The following FRMD4A variants were observed in gnomAD, a reference collection of about 807,000 sequenced individuals.
The protein encoded by FRMD4A is FERM domain containing 4A.
In FRMD4A, 29 loss-of-function variants were observed where a neutral mutation model predicts 129.1. The ratio of observed to expected loss-of-function variants is 0.22; its 90% CI spans 0.17 to 0.31. FRMD4A has a LOEUF of 0.31. FRMD4A is among the 10% of genes least tolerant of loss of function. The probability of loss-of-function intolerance (pLI) is 1.00; values close to 1 mark genes in which losing one functional copy is unlikely to be tolerated. For synonymous variants in FRMD4A, 634 were observed against 571.6 expected, an observed-to-expected ratio of 1.11 and a Z score of -1.56; for missense variants, 1,272 against 1,375.8, an observed-to-expected ratio of 0.92 and a Z score of 1.19.
intron 12 of FRMD4A, among the ~76,000 whole-genome samples, chr10:13,721,671 T>C (rs759788760): frequency 6.6e-6 from 1 of 152,196 alleles, no homozygotes; most frequent in Non-Finnish European, 1.5e-5. Context: ...AACTCACTTC[T>C]TCCAGCCTGT....
intron 2 of FRMD4A, among the ~76,000 whole-genome samples, chr10:14,146,927 C>T (rs1215188093): frequency 6.6e-6 from 1 of 152,248 alleles, no homozygotes; most frequent in Non-Finnish European, 1.5e-5. Flanking sequence ...CAGCAAATAT[C>T]ATCATCTATT....
At chr10:13,716,799 G>A (rs1208961455) in intron 12 of FRMD4A, among the ~76,000 whole-genome samples, 2 of 152,088 alleles carry the variant, frequency 1.3e-5, no homozygotes, top group African/African-American at 4.8e-5. Context: ...TTTCTCCATT[G>A]GACTTGATTT....
intron 5 of FRMD4A, among the ~76,000 whole-genome samples, chr10:13,791,909 CG>C (rs1346035891): frequency 6.6e-6 from 1 of 152,168 alleles, no homozygotes; most frequent in African/African-American, 2.4e-5. Context: ...GAATACCTTC[CG>C]GCGGGTCTCC....
intron 2 of FRMD4A, among the ~76,000 whole-genome samples, chr10:13,928,019 T>G (rs1356380995): frequency 9.4e-3 from 2 of 212 alleles, no homozygotes; most frequent in Non-Finnish European, 0.014. Context: ...AACATACCTT[T>G]TTTTTTTTTT....
At chr10:14,318,632 A>C (rs1846846994) in intron 2 of FRMD4A, among the ~76,000 whole-genome samples, 1 of 145,676 alleles carries the variant, frequency 6.9e-6, no homozygotes, top group African/African-American at 2.6e-5. Flanking sequence ...AAAAAAAATG[A>C]CTCCTTCAGA....
At position 13,657,762 on chromosome 10, in the gene FRMD4A, A is replaced by G. The variant is rs994214570; in HGVS notation, c.2067-240T>C. Among the ~76,000 whole-genome samples, 5 of 147,598 alleles carry G rather than the reference A, an allele frequency of 3.4e-5. No homozygotes were observed. The East Asian group carries it at 5.9e-4, about 17-fold the overall frequency. On this transcript the variant is annotated intron_variant, in intron 21 of 24. Transcript: ENST00000357447. ...AGTGGGAAGTGGGACTGAAGCTAGG[A>G]CTCACAGAAAGGTTTCGATTTCTGG... is the stretch of plus-strand genomic sequence containing the variant.
In FRMD4A at chr10:13,925,730, C is replaced by T. The variant is rs183629218; in HGVS notation, c.46-66818G>A. On this transcript the variant is annotated intron_variant, in intron 2 of 24. Transcript: ENST00000357447. ...TCCTCAGGAGCTGGGACTACAGGCA[C>T]GCACCACCACGCCTGAATAATTTTT... 4.3e-3 allele frequency among the ~76,000 whole-genome samples: 653 copies of T among 151,230 alleles called. 7 individuals carry two copies. The highest frequency in any genetic ancestry group is 0.015 in the African/African-American group (626 of 41,236).
intron 2 of FRMD4A, among the ~76,000 whole-genome samples, chr10:14,128,490 T>G (rs1839051511): frequency 6.6e-6 from 1 of 152,166 alleles, no homozygotes; most frequent in African/African-American, 2.4e-5. Context: ...CAAGCCCTAT[T>G]AGCATAGCCA....
At chr10:14,293,258 C>T (rs1845904775) in intron 2 of FRMD4A, among the ~76,000 whole-genome samples, 1 of 152,012 alleles carries the variant, frequency 6.6e-6, no homozygotes, top group Admixed American at 6.6e-5. Flanking sequence ...TTTTTTGATC[C>T]TCTCTGCTCT....
chr10:14,041,920 AC>A (rs1833793481), intron 2 of FRMD4A, among the ~76,000 whole-genome samples: 1 of 152,216 alleles, frequency 6.6e-6, no homozygotes, highest in African/African-American at 2.4e-5. Context: ...AGGGAGGGAG[AC>A]AGTGACTGAA....
At chr10:13,801,320 C>A (rs1448039010) in intron 4 of FRMD4A, among the ~76,000 whole-genome samples, 2 of 152,154 alleles carry the variant, frequency 1.3e-5, no homozygotes, top group Non-Finnish European at 2.9e-5. Flanking sequence ...GCTGGAATGA[C>A]ACCTATATGA....
chr10:13,987,785 C>A (rs1222333826), intron 2 of FRMD4A, among the ~76,000 whole-genome samples: 1 of 152,178 alleles, frequency 6.6e-6, no homozygotes, highest in Non-Finnish European at 1.5e-5. Context: ...ACCTGACTTC[C>A]TGTTATTAAA....
intron 2 of FRMD4A, among the ~76,000 whole-genome samples, chr10:14,096,681 T>C (rs1836979000): frequency 6.6e-6 from 1 of 152,106 alleles, no homozygotes; most frequent in African/African-American, 2.4e-5. Context: ...GCCATGAAAA[T>C]AAGTGGGCAG....
chr10:13,854,341 C>T (rs546647554), intron 3 of FRMD4A, among the ~76,000 whole-genome samples: 79 of 152,264 alleles, frequency 5.2e-4, no homozygotes, highest in African/African-American at 1.8e-3. Flanking sequence ...TGCTCCGCCC[C>T]CCATATCTGG....
chr10:14,127,388 G>T (rs1249015024), intron 2 of FRMD4A, among the ~76,000 whole-genome samples: 2 of 152,160 alleles, frequency 1.3e-5, no homozygotes, highest in Non-Finnish European at 2.9e-5. Context: ...GTTGGGGTTT[G>T]TTAGTGTTCT....
chr10:13,790,284 C>T (rs1343008), intron 5 of FRMD4A, among the ~76,000 whole-genome samples: 14,225 of 152,164 alleles, frequency 0.093, 886 homozygotes, highest in Middle Eastern at 0.22. Context: ...AGAAAGACGA[C>T]GACATCATTA....
chr10:14,286,475 G>A (rs72778693), intron 2 of FRMD4A, among the ~76,000 whole-genome samples: 2,281 of 152,220 alleles, frequency 0.015, 50 homozygotes, highest in South Asian at 0.07. Flanking sequence ...TTCTTAAGTA[G>A]TGGCTTGAGA....
intron 2 of FRMD4A, among the ~76,000 whole-genome samples, chr10:14,244,530 A>T (rs964222846): frequency 6.6e-6 from 1 of 152,182 alleles, no homozygotes; most frequent in Non-Finnish European, 1.5e-5. Flanking sequence ...TTATATTATA[A>T]TTTGATGTGA....
At chr10:13,979,208 AC>A in intron 2 of FRMD4A, among the ~76,000 whole-genome samples, 1 of 152,134 alleles carries the variant, frequency 6.6e-6, no homozygotes, top group African/African-American at 2.4e-5. Context: ...GAAAAAAAAT[AC>A]ATATTTGTTT....
Sources: gnomAD v4.1 joint callset for allele counts (sites outside exome capture counted in the v4.1 genomes callset) on GRCh38, gnomAD v4.1.1 for gene constraint, MANE v1.5 for transcripts, NCBI Gene and HGNC (gene_info 2026-07-23, HGNC 2026-07-21) for gene names.